NAV2: variants seen among roughly 807,000 people sequenced by gnomAD.
The protein encoded by NAV2 is helicase, APC down-regulated 1.
NAV2 carries 54 observed loss-of-function variants against 223.2 expected under a neutral mutation model. That is an observed-to-expected ratio of 0.24 (90% confidence interval 0.19 to 0.30). The LOEUF (loss-of-function observed/expected upper bound fraction) is 0.30, where lower values mean the gene tolerates loss of function less well. NAV2 is among the 10% of genes least tolerant of loss of function. The pLI, the probability that NAV2 is intolerant of heterozygous loss-of-function variation, is 1.00. For synonymous variants in NAV2, 1,279 were observed against 1,239.3 expected (o/e 1.03, Z -0.67); for missense variants, 2,806 against 3,147.5 (o/e 0.89, Z 2.60).
intron 1 of NAV2, among the ~76,000 whole-genome samples, chr11:19,755,182 G>A (rs1048395383): frequency 6.6e-6 from 1 of 152,138 alleles, no homozygotes; most frequent in African/African-American, 2.4e-5. Flanking sequence ...CTGTTGTTAC[G>A]TGTACATTTT....
rs199998454 is a variant in NAV2 at position 19,948,763 on chromosome 11, G to C, written c.2328G>C (p.Gly776=). ...GCCGTAGCATACTCAGCTTGACAGG[G>C]AGGCCCACACCTCTGTCCTGGAGAC... ...MSGRSILSLT[G]RPTPLSWRLG... The change falls in exon 10 of 38, where the codon GGG becomes GGC. Residue 776 remains glycine, a synonymous_variant. Coordinates refer to ENST00000349880, the MANE Select transcript of NAV2 (RefSeq NM_145117.5). 6 of 1,612,566 alleles carry C rather than the reference G, an allele frequency of 3.7e-6. No homozygotes were observed. In the East Asian group the frequency reaches 6.7e-5, roughly 18 times the overall value.
chr11:19,529,694 T>G (rs2043962992), intron 1 of NAV2, among the ~76,000 whole-genome samples: 1 of 152,128 alleles, frequency 6.6e-6, no homozygotes. Context: ...TGGTGGCTGA[T>G]GTGGGGTGGA....
chr11:19,528,287 C>G (rs2043908175), intron 1 of NAV2, among the ~76,000 whole-genome samples: 1 of 152,050 alleles, frequency 6.6e-6, no homozygotes, highest in African/African-American at 2.4e-5. Flanking sequence ...CATCATGGAC[C>G]CTGGGCAGTT....
At position 19,716,456 on chromosome 11, in the gene NAV2, C is replaced by T. The variant is rs557814474; in HGVS notation, c.267+2494C>T. ...AGTGCAGTGTCTGGCAAATAAGGAA[C>T]ACTTAATAAAAGTAGCTATTTATAT... On this transcript the variant is annotated intron_variant, in intron 1 of 37. Coordinates refer to ENST00000349880, the MANE Select transcript of NAV2 (RefSeq NM_145117.5). Among the ~76,000 whole-genome samples, 8 of 152,284 alleles carry T rather than the reference C, an allele frequency of 5.3e-5. No individual in the cohort carries two copies. The South Asian group carries it at 1.7e-3, about 32-fold the overall frequency.
At chr11:19,855,962 C>G (rs1455494253) in intron 3 of NAV2, among the ~76,000 whole-genome samples, 1 of 152,194 alleles carries the variant, frequency 6.6e-6, no homozygotes, top group Non-Finnish European at 1.5e-5. Flanking sequence ...TTTATGATCA[C>G]CCAGCAGTTT....
At chr11:19,668,027 C>T (rs993329082) in intron 1 of NAV2, among the ~76,000 whole-genome samples, 2 of 152,146 alleles carry the variant, frequency 1.3e-5, no homozygotes, top group Non-Finnish European at 2.9e-5. Context: ...CCAGCCCAGA[C>T]CCACAGGCCC....
At chr11:19,787,384 G>A (rs1393186931) in intron 1 of NAV2, among the ~76,000 whole-genome samples, 1 of 144,048 alleles carries the variant, frequency 6.9e-6, no homozygotes, top group Non-Finnish European at 1.5e-5. Flanking sequence ...CTAAAGTGTT[G>A]GGATTACAGA....
At chr11:19,913,737 C>T (rs1257560722) in intron 6 of NAV2, among the ~76,000 whole-genome samples, 1 of 137,648 alleles carries the variant, frequency 7.3e-6, no homozygotes, top group African/African-American at 3.1e-5. Context: ...CACTCTGGGC[C>T]TTAGATTCCT....
intron 1 of NAV2, among the ~76,000 whole-genome samples, chr11:19,785,345 A>C (rs1011095430): frequency 2.0e-5 from 3 of 152,230 alleles, no homozygotes; most frequent in Non-Finnish European, 4.4e-5. Flanking sequence ...CAAAGATTAT[A>C]AAGAGCGAGA....
intron 5 of NAV2, among the ~76,000 whole-genome samples, chr11:19,888,146 T>G (rs978622133): frequency 6.6e-6 from 1 of 152,142 alleles, no homozygotes; most frequent in Admixed American, 6.5e-5. Context: ...GCTTAATATT[T>G]TAAAAACTCA....
intron 1 of NAV2, among the ~76,000 whole-genome samples, chr11:19,356,441 T>C (rs1331816306): frequency 6.6e-6 from 1 of 152,216 alleles, no homozygotes. Context: ...GGGATCATGA[T>C]GATGAGCTTA....
At chr11:19,561,228 G>T (rs1197167427) in intron 1 of NAV2, among the ~76,000 whole-genome samples, 1 of 152,202 alleles carries the variant, frequency 6.6e-6, no homozygotes, top group Non-Finnish European at 1.5e-5. Flanking sequence ...TCAAAATGAT[G>T]ACTAATTCTG....
At chr11:19,669,312 A>C (rs185613222) in intron 1 of NAV2, among the ~76,000 whole-genome samples, 2 of 152,192 alleles carry the variant, frequency 1.3e-5, no homozygotes, top group Non-Finnish European at 2.9e-5. Flanking sequence ...ATACTTTCCC[A>C]TTCCAAAGCC....
intron 1 of NAV2, among the ~76,000 whole-genome samples, chr11:19,523,563 C>T (rs1031830316): frequency 1.3e-5 from 2 of 152,152 alleles, no homozygotes; most frequent in Admixed American, 6.5e-5. Flanking sequence ...TCCTCTAGAG[C>T]GAGGCCTTCT....
chr11:19,723,026 G>A (rs548917737), intron 1 of NAV2, among the ~76,000 whole-genome samples: 2 of 152,356 alleles, frequency 1.3e-5, no homozygotes, highest in African/African-American at 4.8e-5. Context: ...GCAGCAGACT[G>A]GAGGGGTTGA....
intron 1 of NAV2, among the ~76,000 whole-genome samples, chr11:19,480,187 T>A (rs1469997159): frequency 6.6e-6 from 1 of 152,192 alleles, no homozygotes; most frequent in Non-Finnish European, 1.5e-5. Flanking sequence ...ATTTGCTGCA[T>A]GACTTCTCAG....
intron 1 of NAV2, among the ~76,000 whole-genome samples, chr11:19,720,822 G>T (rs982692311): frequency 4.6e-5 from 7 of 152,142 alleles, no homozygotes; most frequent in Non-Finnish European, 1.0e-4. Flanking sequence ...AGCAACTTTG[G>T]TTCTAATTCT....
At position 19,998,371 on chromosome 11, in the gene NAV2, C is replaced by G. The variant is rs887096110; in HGVS notation, c.2768+14124C>G. On this transcript the variant is annotated intron_variant, in intron 11 of 37. Coordinates refer to ENST00000349880, the MANE Select transcript of NAV2 (RefSeq NM_145117.5). This position sits in a 1 kb window ranked among gnomAD's most constrained non-coding sequence, Gnocchi z 5.0. ...GTCCTCTCTCATCTGAGCTCTCCCA[C>G]TGCAGCCTTCCAGGCCCACTGTACC... Among the ~76,000 whole-genome samples the G allele has an allele frequency of 1.3e-5, 2 of 152,118 alleles. No individual in the cohort carries two copies. Among genetic ancestry groups the G allele is most frequent in the South Asian group, 4.2e-4 (2 of 4,818 alleles).
At chr11:20,065,935 T>C (rs776972355) in intron 20 of NAV2, among the ~76,000 whole-genome samples, 11 of 152,212 alleles carry the variant, frequency 7.2e-5, no homozygotes, top group Admixed American at 3.3e-4. Flanking sequence ...CAGGAGAATA[T>C]GCCTAGGCTC....
Sources: gnomAD v4.1 joint callset for allele counts (sites outside exome capture counted in the v4.1 genomes callset) on GRCh38, gnomAD v4.1.1 for gene constraint, Gnocchi (gnomAD v3.1) non-coding constraint, MANE v1.5 for transcripts, NCBI Gene and HGNC (gene_info 2026-07-23, HGNC 2026-07-21) for gene names.